RNF38: variants seen among roughly 807,000 people sequenced by gnomAD.
The protein encoded by RNF38 is E3 ubiquitin-protein ligase RNF38.
In RNF38, 15 loss-of-function variants were observed where a neutral mutation model predicts 67.2. That is an observed-to-expected ratio of 0.22 (90% confidence interval 0.15 to 0.34). The LOEUF (loss-of-function observed/expected upper bound fraction) is 0.34, where lower values mean the gene tolerates loss of function less well. RNF38 is among the 10% of genes least tolerant of loss of function. The probability of loss-of-function intolerance (pLI) is 1.00; values close to 1 mark genes in which losing one functional copy is unlikely to be tolerated. For missense variants in RNF38, 524 were observed against 639.9 expected, an observed-to-expected ratio of 0.82 and a Z score of 1.95; for synonymous variants, 220 against 218.8, an observed-to-expected ratio of 1.01 and a Z score of -0.05.
rs143539192 is a variant in RNF38, at chr9:36,350,455, C to CT, written c.1263+659_1263+660insA. Among the ~76,000 whole-genome samples, 300 of 152,314 alleles carry CT rather than the reference C, an allele frequency of 2.0e-3. 1 individual carries two copies. The highest frequency in any genetic ancestry group is 6.8e-3 in the Middle Eastern group (2 of 294). On this transcript the variant is annotated intron_variant, in intron 9 of 11. Coordinates refer to ENST00000259605, the MANE Select transcript of RNF38 (RefSeq NM_022781.5). ...TCTGTAGCAAGCACTGAAGGACAAC[C>CT]AATTGAGCTTTTCAATCAACTGCCG... is the stretch of plus-strand genomic sequence containing the variant.
chr9:36,374,411 G>C (rs905290984), intron 3 of RNF38, among the ~76,000 whole-genome samples: 9 of 152,200 alleles, frequency 5.9e-5, no homozygotes, highest in African/African-American at 2.2e-4. Context: ...TTTGGAGAGG[G>C]ATCTTTTCCC....
At chr9:36,421,516 A>G (rs1459114874) in intron 2 of RNF38, among the ~76,000 whole-genome samples, 3 of 151,992 alleles carry the variant, frequency 2.0e-5, no homozygotes, top group African/African-American at 7.3e-5. Context: ...ATACAAAATT[A>G]GCCGGGCGTG....
intron 1 of RNF38, among the ~76,000 whole-genome samples, chr9:36,435,845 G>A (rs1478373825): frequency 1.3e-5 from 2 of 152,102 alleles, no homozygotes; most frequent in Non-Finnish European, 2.9e-5. Context: ...TAGCCAGGAT[G>A]GTCTCGATAT....
chr9:36,355,360 T>C (rs1834021772), intron 6 of RNF38, among the ~76,000 whole-genome samples: 1 of 152,204 alleles, frequency 6.6e-6, no homozygotes. Flanking sequence ...CTGGACCTTT[T>C]TTCCTGTGCC....
At chr9:36,348,695 T>C (rs1181060369) in intron 9 of RNF38, among the ~76,000 whole-genome samples, 1 of 152,132 alleles carries the variant, frequency 6.6e-6, no homozygotes, top group Admixed American at 6.5e-5. Context: ...AGAAGAAAAG[T>C]TGGAAGCTAG....
At chr9:36,443,695 C>T (rs938770610) in intron 1 of RNF38, among the ~76,000 whole-genome samples, 3 of 151,988 alleles carry the variant, frequency 2.0e-5, no homozygotes, top group South Asian at 2.1e-4. Flanking sequence ...TGAACTTAAA[C>T]GCTGAAAGGC....
intron 4 of RNF38, among the ~76,000 whole-genome samples, chr9:36,364,112 G>T (rs895796394): frequency 2.7e-5 from 4 of 150,334 alleles, no homozygotes; most frequent in African/African-American, 9.8e-5. Context: ...TTACAGGCAT[G>T]AGCCACCGTG....
In RNF38 at chr9:36,336,575, A is replaced by AT. The variant is rs1832455494; in HGVS notation, c.*3176dup. The AT allele has an allele frequency of 6.6e-6, 1 of 152,650 alleles. No individual in the cohort carries two copies. Among genetic ancestry groups the AT allele is most frequent in the African/African-American group, 2.4e-5 (1 of 41,464 alleles). 9.5% of individuals were successfully genotyped at this position (152,650 alleles called of 1,614,324 possible). On this transcript the variant is annotated 3_prime_UTR_variant, in exon 12 of 12. Coordinates refer to ENST00000259605, the MANE Select transcript of RNF38 (RefSeq NM_022781.5). ...AAGCCTTCAAATGATTTGGTTACAG[A>AT]TATTTATAATACATACATTTAAAAC... is the stretch of plus-strand genomic sequence containing the variant.
chr9:36,357,096 T>C (rs1408141607), intron 5 of RNF38, among the ~76,000 whole-genome samples: 1 of 152,178 alleles, frequency 6.6e-6, no homozygotes, highest in African/African-American at 2.4e-5. Context: ...TTGAAGACAT[T>C]GTTGACCTTA....
Position 36,439,383 on chromosome 9 carries a change from AT to A in RNF38, n.242-14701del, listed in dbSNP as rs550291099. Reference sequence around the variant, plus strand: ...CTTAGATCTTGAACAAGTGACCCTCATTTTTTTTTCCTTACCTTCAAAGAGG... The same window carrying A: ...CTTAGATCTTGAACAAGTGACCCTCATTTTTTTTCCTTACCTTCAAAGAGG... On this transcript the variant is annotated intron_variant and non_coding_transcript_variant, in intron 1 of 3. Coordinates refer to the RNF38 transcript ENST00000488058. Among the ~76,000 whole-genome samples the A allele has an allele frequency of 7.3e-3, 1,108 of 151,312 alleles. 15 individuals are homozygous for A. Among genetic ancestry groups the A allele is most frequent in the Middle Eastern group, 0.034 (10 of 294 alleles).
intron 2 of RNF38, among the ~76,000 whole-genome samples, chr9:36,410,413 G>A (rs992794015): frequency 6.6e-6 from 1 of 152,078 alleles, no homozygotes; most frequent in Non-Finnish European, 1.5e-5. Flanking sequence ...TGCAACCTCT[G>A]CCTCCTGGGT....
At chr9:36,408,499 C>T (rs1288950705) in intron 2 of RNF38, among the ~76,000 whole-genome samples, 2 of 152,100 alleles carry the variant, frequency 1.3e-5, no homozygotes, top group Non-Finnish European at 2.9e-5. Flanking sequence ...TTTAGTGAAG[C>T]CATATTTCAT....
intron 1 of RNF38, among the ~76,000 whole-genome samples, chr9:36,479,249 G>A (rs375803648): frequency 1.1e-4 from 17 of 152,138 alleles, no homozygotes; most frequent in African/African-American, 3.9e-4. Context: ...CAGCAATCCC[G>A]CCTTTAGAAC....
In RNF38 at chr9:36,369,946, C is replaced by G. The variant is rs1296018003; in HGVS notation, c.357-14G>C. On this transcript the variant is annotated splice_polypyrimidine_tract_variant and intron_variant, in intron 3 of 11. Transcript: ENST00000259605. ...CTGACAGGAGGACTGTGATAAATAT[C>G]AAAAAGAAAGTCATTATGCTTATTG... is the stretch of plus-strand genomic sequence containing the variant. 1 of 1,603,316 alleles carries G rather than the reference C, an allele frequency of 6.2e-7. No homozygotes were observed.
intron 2 of RNF38, among the ~76,000 whole-genome samples, chr9:36,423,985 C>A (rs1289456532): frequency 6.6e-6 from 1 of 151,076 alleles, no homozygotes; most frequent in African/African-American, 2.4e-5. Context: ...AAAAGCCCCC[C>A]CTAGAGACCA....
chr9:36,394,984 G>A (rs1447527425), intron 1 of RNF38, among the ~76,000 whole-genome samples: 1 of 152,136 alleles, frequency 6.6e-6, no homozygotes, highest in African/African-American at 2.4e-5. Flanking sequence ...AACATCCTGA[G>A]ACCACATTAA....
At chr9:36,355,452 G>A (rs920340373) in intron 6 of RNF38, among the ~76,000 whole-genome samples, 8 of 152,276 alleles carry the variant, frequency 5.3e-5, no homozygotes, top group South Asian at 2.1e-4. Flanking sequence ...TCCCAAGACA[G>A]AATTAACTAT....
At chr9:36,485,941 T>C (rs1840399597) in intron 1 of RNF38, among the ~76,000 whole-genome samples, 1 of 152,136 alleles carries the variant, frequency 6.6e-6, no homozygotes, top group African/African-American at 2.4e-5. Context: ...CTGTCCTTAC[T>C]AAAAGAAAAT....
chr9:36,455,619 A>G (rs902182488), intron 1 of RNF38, among the ~76,000 whole-genome samples: 16 of 152,006 alleles, frequency 1.1e-4, no homozygotes, highest in Non-Finnish European at 2.2e-4. Context: ...CGTCTCTACT[A>G]AAAGTACAAA....
Sources: allele counts gnomAD v4.1 joint callset (sites outside exome capture counted in the v4.1 genomes callset), GRCh38; gene constraint gnomAD v4.1.1; transcripts MANE v1.5; gene names NCBI Gene and HGNC (gene_info 2026-07-23, HGNC 2026-07-21).